The following POU2F3 variants were observed in gnomAD, a reference collection of about 807,000 sequenced individuals.
POU2F3 encodes POU domain, class 2, transcription factor 3.
A neutral mutation model predicts 59.2 loss-of-function variants in POU2F3; 23 were observed. The observed-to-expected ratio is 0.39, with a 90% CI of 0.28 to 0.55. The LOEUF (loss-of-function observed/expected upper bound fraction) is 0.55. Ranked by LOEUF, POU2F3 falls within the 20% of genes least tolerant of loss-of-function variation. The pLI, the probability that POU2F3 is intolerant of heterozygous loss-of-function variation, is 0.66. For missense variants in POU2F3, 473 were observed against 544.5 expected (o/e 0.87, Z 1.31); for synonymous variants, 190 against 214.6 (o/e 0.89, Z 1.00).
chr11:120,262,353 T>C (rs1357026683), intron 2 of POU2F3, among the ~76,000 whole-genome samples: 1 of 152,246 alleles, frequency 6.6e-6, no homozygotes, highest in African/African-American at 2.4e-5. Context: ...ATTCTGGACA[T>C]TTTTAAACAA....
At chr11:120,241,942 G>A (rs1938682069) in intron 1 of POU2F3, among the ~76,000 whole-genome samples, 1 of 152,088 alleles carries the variant, frequency 6.6e-6, no homozygotes. Flanking sequence ...GTGAGCTCCT[G>A]GCTGATGCTT....
In POU2F3 at chr11:120,274,108, A is replaced by AAGGAAGAAAGGAAGG. The variant is rs1940212417; in HGVS notation, c.132+4865_132+4866insGGAAGAAAGGAAGGA. On this transcript the variant is annotated intron_variant, in intron 3 of 12. Transcript: ENST00000543440. ...GAAAGAAAGGAAGGAAGGAAGGAAG[A>AAGGAAGAAAGGAAGG]AAGGAAGGAAGGAAGGAAGGAAGGA... 2.6e-3 allele frequency among the ~76,000 whole-genome samples: 300 copies of AAGGAAGAAAGGAAGG among 116,190 alleles called. 1 individual carries two copies. The highest frequency in any genetic ancestry group is 9.8e-3 in the African/African-American group (285 of 28,990). 76.2% of individuals were successfully genotyped at this position (116,190 alleles called of 152,430 possible). A position where few individuals can be genotyped will look rare whatever the true frequency, so the allele number is the denominator to read the frequency against.
At chr11:120,238,958 G>T (rs942469361), upstream of POU2F3, among the ~76,000 whole-genome samples, 5 of 151,518 alleles carry the variant, frequency 3.3e-5, no homozygotes, top group African/African-American at 1.2e-4. Flanking sequence ...AGAACTAAAG[G>T]CACGAAAGAT....
At chr11:120,298,499 G>T in intron 4 of POU2F3, 109 bp downstream of exon 4, 1 of 1,451,380 alleles carries the variant, frequency 6.9e-7, no homozygotes, top group Non-Finnish European at 9.4e-7. Context: ...CAGGCAATGT[G>T]GGAAAGAGAT....
intron 1 of POU2F3, among the ~76,000 whole-genome samples, chr11:120,243,469 G>A (rs1312005874): frequency 6.6e-6 from 1 of 152,166 alleles, no homozygotes; most frequent in Non-Finnish European, 1.5e-5. Flanking sequence ...ATGGTGCTGA[G>A]TGGGGCAGCC....
chr11:120,263,964 C>A (rs769500090), intron 2 of POU2F3, among the ~76,000 whole-genome samples: 1 of 152,108 alleles, frequency 6.6e-6, no homozygotes, highest in Non-Finnish European at 1.5e-5. Context: ...CTGTTTTAGA[C>A]ACTTGGGGCA....
At position 120,307,470 on chromosome 11, in the gene POU2F3, T is replaced by C. The variant is rs368668214; in HGVS notation, c.770-9T>C. Reference sequence around the variant, plus strand: ...TCTGAGCTTCCTCTGGTCCTTCGTGTCCCTGCAGAGTCCTCTCCGTCAGAC... The same window carrying C: ...TCTGAGCTTCCTCTGGTCCTTCGTGCCCCTGCAGAGTCCTCTCCGTCAGAC... On this transcript the variant is annotated splice_polypyrimidine_tract_variant and intron_variant, in intron 8 of 12. Transcript: ENST00000543440. 6.2e-7 allele frequency: 1 copy of C among 1,613,786 alleles called. No individual in the cohort carries two copies. The highest frequency in any genetic ancestry group is 1.3e-5 in the African/African-American group (1 of 74,902).
Position 120,255,216 on chromosome 11 carries a change from A to T in POU2F3, c.97+8699A>T, listed in dbSNP as rs183023596. ...GGCCTTGCCTGGGTGTGCCCAGTCC[A>T]GGTTTGTACGAGAGGTGTGGGCAGG... On this transcript the variant is annotated intron_variant, in intron 2 of 12. Transcript: ENST00000543440. 1.7e-3 allele frequency among the ~76,000 whole-genome samples: 252 copies of T among 152,238 alleles called. 1 individual carries two copies. The highest frequency in any genetic ancestry group is 5.7e-3 in the African/African-American group (236 of 41,560).
chr11:120,264,615 T>C (rs1232744056), intron 2 of POU2F3, among the ~76,000 whole-genome samples: 1 of 152,190 alleles, frequency 6.6e-6, no homozygotes, highest in African/African-American at 2.4e-5. Context: ...AGCTCTGCAG[T>C]TTAGAAGCCT....
intron 3 of POU2F3, among the ~76,000 whole-genome samples, chr11:120,288,128 C>CCA (rs1940855694): frequency 1.6e-5 from 1 of 63,330 alleles, no homozygotes; most frequent in Non-Finnish European, 2.6e-5. Flanking sequence ...ACAAAAAAAC[C>CCA]AAAAAAAAAA....
chr11:120,315,514 G>A (rs1941761706), intron 11 of POU2F3, 87 bp downstream of exon 11: 1 of 1,278,554 alleles, frequency 7.8e-7, no homozygotes, highest in African/African-American at 1.5e-5. Flanking sequence ...ACCTAAGTCA[G>A]GCTTCCCTAA....
Position 120,319,428 on chromosome 11 carries a change from A to ATTTCTTTTTCTTTTTTTTT in POU2F3, c.*1039_*1040insCTTTTTCTTTTTTTTTTTT, listed in dbSNP as rs1941863808. 1.5e-5 allele frequency: 2 copies of ATTTCTTTTTCTTTTTTTTT among 137,746 alleles called. 1 individual carries two copies. The highest frequency in any genetic ancestry group is 3.1e-5 in the Non-Finnish European group (2 of 64,214). 8.5% of individuals were successfully genotyped at this position (137,746 alleles called of 1,614,324 possible). A position where few individuals can be genotyped will look rare whatever the true frequency, so the allele number is the denominator to read the frequency against. On this transcript the variant is annotated 3_prime_UTR_variant, in exon 13 of 13. Transcript: ENST00000543440. ...TTCCAGAGTTCCCACATGGGCTGGG[A>ATTTCTTTTTCTTTTTTTTT]TTTTTTTTTCTTTTTCTTTTTTTTT...
chr11:120,286,549 A>G (rs1940787707), intron 3 of POU2F3, among the ~76,000 whole-genome samples: 1 of 152,196 alleles, frequency 6.6e-6, no homozygotes, highest in South Asian at 2.1e-4. Context: ...GCCTGCCCTC[A>G]TGGAATAATG....
At chr11:120,263,957 T>C (rs1437202201) in intron 2 of POU2F3, among the ~76,000 whole-genome samples, 5 of 152,268 alleles carry the variant, frequency 3.3e-5, no homozygotes, top group African/African-American at 1.2e-4. Flanking sequence ...GTACCTACTG[T>C]TTTAGACACT....
intron 1 of POU2F3, among the ~76,000 whole-genome samples, chr11:120,243,066 A>G (rs1444267236): frequency 6.6e-6 from 1 of 152,086 alleles, no homozygotes; most frequent in Non-Finnish European, 1.5e-5. Flanking sequence ...GACGGGTGCC[A>G]ATTGGAGCTC....
intron 7 of POU2F3, 138 bp downstream of exon 7, chr11:120,305,350 T>C: frequency 9.6e-7 from 1 of 1,039,086 alleles, no homozygotes; most frequent in Non-Finnish European, 1.4e-6. Flanking sequence ...TCTCTGAGAA[T>C]AGGGCACAGT....
chr11:120,269,115 G>C, intron 2 of POU2F3, 95 bp from the exon 3 acceptor site: 1 of 929,786 alleles, frequency 1.1e-6, no homozygotes, highest in Non-Finnish European at 1.6e-6. Flanking sequence ...TTTCAAAATA[G>C]AGCCACACGC....
intron 3 of POU2F3, among the ~76,000 whole-genome samples, chr11:120,276,216 C>T (rs1940316524): frequency 1.3e-5 from 2 of 152,098 alleles, no homozygotes; most frequent in Non-Finnish European, 2.9e-5. Flanking sequence ...AATGAATAGG[C>T]CATGTTGGAT....
At chr11:120,236,674 A>T (rs774113974), upstream of POU2F3, 10 of 1,504,214 alleles carry the variant, frequency 6.6e-6, no homozygotes, top group South Asian at 4.8e-5. Flanking sequence ...AACCGGTTTC[A>T]TGGAGTCTCC....
Sources: allele counts gnomAD v4.1 joint callset (sites outside exome capture counted in the v4.1 genomes callset), GRCh38; gene constraint gnomAD v4.1.1; transcripts MANE v1.5; gene names NCBI Gene and HGNC (gene_info 2026-07-23, HGNC 2026-07-21).